Variants in CNGB3 observed in about 807,000 individuals in gnomAD.
CNGB3 encodes cyclic nucleotide gated channel subunit beta 3.
A neutral mutation model predicts 92.8 loss-of-function variants in CNGB3; 86 were observed. The ratio of observed to expected loss-of-function variants is 0.93; its 90% CI spans 0.78 to 1.11. CNGB3 has a LOEUF of 1.11. Among genes scored for constraint, CNGB3 ranks in the 50% least tolerant of loss-of-function variants. The pLI, the probability that CNGB3 is intolerant of heterozygous loss-of-function variation, is 0.00. For missense variants in CNGB3, 1,026 were observed against 956.8 expected (o/e 1.07, Z -0.95); for synonymous variants, 333 against 332.7 (o/e 1.00, Z -0.01).
At chr8:86,576,517 T>G (rs1244458853) in intron 17 of CNGB3, among the ~76,000 whole-genome samples, 2 of 152,206 alleles carry the variant, frequency 1.3e-5, no homozygotes, top group African/African-American at 4.8e-5. Flanking sequence ...TATTAACCAA[T>G]ACTATATAAA....
At chr8:86,603,810 C>G (rs1463972227) in intron 15 of CNGB3, among the ~76,000 whole-genome samples, 4 of 152,182 alleles carry the variant, frequency 2.6e-5, no homozygotes, top group Admixed American at 2.6e-4. Flanking sequence ...AACCTCTTCT[C>G]TCATTTACTA....
chr8:86,671,395 G>A (rs1345081391), intron 3 of CNGB3, among the ~76,000 whole-genome samples: 5 of 152,178 alleles, frequency 3.3e-5, no homozygotes, highest in Non-Finnish European at 7.3e-5. Context: ...GCTACAGATG[G>A]TGGGGCAGGC....
At chr8:86,622,924 C>T (rs1006161356) in intron 13 of CNGB3, among the ~76,000 whole-genome samples, 1 of 152,168 alleles carries the variant, frequency 6.6e-6, no homozygotes, top group African/African-American at 2.4e-5. Context: ...AAATCTAGCA[C>T]AGGCCATAGC....
chr8:86,603,865 C>T (rs141239994), intron 15 of CNGB3, among the ~76,000 whole-genome samples: 13 of 152,314 alleles, frequency 8.5e-5, no homozygotes, highest in East Asian at 1.9e-4. Flanking sequence ...ACCTGCTTTA[C>T]GCCAGGCACT....
At chr8:86,725,764 G>A (rs1052396125) in intron 3 of CNGB3, among the ~76,000 whole-genome samples, 2 of 152,124 alleles carry the variant, frequency 1.3e-5, no homozygotes, top group African/African-American at 2.4e-5. Context: ...TGGGATGGAC[G>A]AATAGGTACT....
intron 11 of CNGB3, among the ~76,000 whole-genome samples, chr8:86,632,478 G>A (rs1822981913): frequency 6.6e-6 from 1 of 152,078 alleles, no homozygotes; most frequent in Non-Finnish European, 1.5e-5. Flanking sequence ...GTTTTCATTA[G>A]GGTCCAAGTA....
At chr8:86,610,885 C>T (rs1585968132) in intron 14 of CNGB3, among the ~76,000 whole-genome samples, 3 of 152,118 alleles carry the variant, frequency 2.0e-5, no homozygotes, top group Admixed American at 2.0e-4. Flanking sequence ...CATCCATAGA[C>T]TGAAACATCA....
At chr8:86,652,036 C>T (rs774210646) in intron 7 of CNGB3, among the ~76,000 whole-genome samples, 3 of 151,890 alleles carry the variant, frequency 2.0e-5, no homozygotes, top group African/African-American at 4.8e-5. Context: ...GGCTTCTAGG[C>T]TACAGGCCTA....
At chr8:86,665,903 GA>G (rs1186208701) in intron 6 of CNGB3, among the ~76,000 whole-genome samples, 3 of 151,892 alleles carry the variant, frequency 2.0e-5, no homozygotes, top group South Asian at 2.1e-4. Flanking sequence ...AAAAATTGGG[GA>G]AAAAAAAGGG....
intron 3 of CNGB3, among the ~76,000 whole-genome samples, chr8:86,673,704 A>G (rs1367175794): frequency 2.6e-5 from 4 of 152,238 alleles, no homozygotes; most frequent in African/African-American, 7.2e-5. Flanking sequence ...CTAAGTTTCT[A>G]TTACAAGAGA....
In CNGB3 at chr8:86,575,918, CCTT is replaced by C. The variant is rs758914061; in HGVS notation, c.2313_2315del (p.Arg772del). ...GAGAAGTCCCTCTGGGTAAAACTGT[CCTT>C]CTAACTGAGTGGGGTTCTTCCTCCA... is the stretch of plus-strand genomic sequence containing the variant. On this transcript the variant is annotated inframe_deletion, in exon 18 of 18. Transcript: ENST00000320005. 27 of 1,613,774 alleles carry C rather than the reference CCTT, an allele frequency of 1.7e-5. No individual in the cohort carries two copies. The highest frequency in any genetic ancestry group is 7.7e-5 in the South Asian group (7 of 90,984).
At chr8:86,676,127 A>T (rs1823962476) in intron 3 of CNGB3, among the ~76,000 whole-genome samples, 1 of 152,212 alleles carries the variant, frequency 6.6e-6, no homozygotes, top group Non-Finnish European at 1.5e-5. Flanking sequence ...GGTTCTTTTA[A>T]AACTGTGTTT....
intron 15 of CNGB3, among the ~76,000 whole-genome samples, chr8:86,589,779 T>C (rs1821985244): frequency 6.6e-6 from 1 of 151,940 alleles, no homozygotes; most frequent in Admixed American, 6.6e-5. Flanking sequence ...AATTTTGGAA[T>C]AGGTGTGGTG....
intron 3 of CNGB3, among the ~76,000 whole-genome samples, chr8:86,686,050 AG>A (rs1313658629): frequency 2.6e-5 from 4 of 152,108 alleles, no homozygotes; most frequent in Non-Finnish European, 4.4e-5. Flanking sequence ...AATCTTCAAG[AG>A]GAAAATGTAG....
intron 2 of CNGB3, among the ~76,000 whole-genome samples, chr8:86,736,126 G>A (rs1825247765): frequency 6.6e-6 from 1 of 152,104 alleles, no homozygotes; most frequent in African/African-American, 2.4e-5. Flanking sequence ...ATGAAACCAT[G>A]TTCTGCAGAA....
chr8:86,688,821 A>G (rs902346140), intron 3 of CNGB3, among the ~76,000 whole-genome samples: 1 of 151,094 alleles, frequency 6.6e-6, no homozygotes, highest in Non-Finnish European at 1.5e-5. Context: ...TGCTCTGACT[A>G]TTTGTTTTAC....
intron 3 of CNGB3, among the ~76,000 whole-genome samples, chr8:86,675,670 G>A (rs760867340): frequency 1.3e-5 from 2 of 152,146 alleles, no homozygotes; most frequent in Non-Finnish European, 2.9e-5. Flanking sequence ...CCAAAGTACT[G>A]GGATTGCAGA....
rs1823057894 is a variant in CNGB3, at chr8:86,635,851, TATATATATATATACACATAC to T, written c.1179-2978_1179-2959del. Among the ~76,000 whole-genome samples, 6 of 76,456 alleles carry T rather than the reference TATATATATATATACACATAC, an allele frequency of 7.8e-5. No homozygotes were observed. The South Asian group carries it at 2.5e-3, about 32-fold the overall frequency. The allele number at this position is 76,456 out of a possible 152,430, so 50.2% of individuals were successfully genotyped here. A position where few individuals can be genotyped will look rare whatever the true frequency, so the allele number is the denominator to read the frequency against. On this transcript the variant is annotated intron_variant, in intron 10 of 17. Coordinates refer to ENST00000320005, the MANE Select transcript of CNGB3 (RefSeq NM_019098.5). ...ATATATATATATATATATATATATA[TATATATATATATACACATAC>T]ACATATACTTAGGCATACTTAAAGC...
chr8:86,581,173 T>C (rs1249586898), intron 15 of CNGB3, among the ~76,000 whole-genome samples: 3 of 152,190 alleles, frequency 2.0e-5, no homozygotes, highest in African/African-American at 4.8e-5. Flanking sequence ...TTCAGAGAAC[T>C]GAAGTCACAG....
Sources: gnomAD v4.1 joint callset for allele counts (sites outside exome capture counted in the v4.1 genomes callset) on GRCh38, gnomAD v4.1.1 for gene constraint, MANE v1.5 for transcripts, NCBI Gene and HGNC (gene_info 2026-07-23, HGNC 2026-07-21) for gene names.